Variants in KIAA1958 observed in about 807,000 individuals in gnomAD.
KIAA1958 encodes the protein KIAA1958, also known as uncharacterized protein KIAA1958.
A neutral mutation model predicts 47.2 loss-of-function variants in KIAA1958; 14 were observed. The ratio of observed to expected loss-of-function variants is 0.30; its 90% CI spans 0.20 to 0.46. The LOEUF (loss-of-function observed/expected upper bound fraction) is 0.46. KIAA1958 is among the 20% of genes least tolerant of loss of function. The pLI is 1.00. For missense variants in KIAA1958, 803 were observed against 909.2 expected (o/e 0.88, Z 1.50); for synonymous variants, 354 against 353.3 (o/e 1.00, Z -0.02).
At chr9:112,658,975 A>G (rs537884230) in intron 3 of KIAA1958, among the ~76,000 whole-genome samples, 64 of 142,854 alleles carry the variant, frequency 4.5e-4, no homozygotes, top group South Asian at 2.0e-3. Context: ...AGCCGAGATC[A>G]CGCCACTGCA....
At chr9:112,527,452 T>C (rs540332598) in intron 1 of KIAA1958, among the ~76,000 whole-genome samples, 8 of 152,250 alleles carry the variant, frequency 5.3e-5, no homozygotes, top group African/African-American at 1.9e-4. Context: ...CAGGATGAAG[T>C]TGAAGAAGAA....
chr9:112,604,818 T>G (rs1050498020), intron 2 of KIAA1958, among the ~76,000 whole-genome samples: 1 of 151,276 alleles, frequency 6.6e-6, no homozygotes, highest in African/African-American at 2.4e-5. Context: ...TCAGAACATA[T>G]GCTGAGTACT....
At chr9:112,515,540 AG>A (rs1834413055) in intron 1 of KIAA1958, among the ~76,000 whole-genome samples, 1 of 107,530 alleles carries the variant, frequency 9.3e-6, no homozygotes, top group Admixed American at 9.5e-5. Flanking sequence ...TTCTGCACTA[AG>A]AAAAATTCCT....
chr9:112,500,917 C>T (rs1314005454), intron 1 of KIAA1958, among the ~76,000 whole-genome samples: 1 of 150,948 alleles, frequency 6.6e-6, no homozygotes, highest in Non-Finnish European at 1.5e-5. Context: ...CAAGATCAGC[C>T]TGGGCCACAT....
chr9:112,515,916 C>T (rs1328608838), intron 1 of KIAA1958, among the ~76,000 whole-genome samples: 26 of 42,680 alleles, frequency 6.1e-4, no homozygotes, highest in African/African-American at 2.1e-3. Flanking sequence ...AAAAAAAAGA[C>T]TGAATGCTTT....
rs372775191 is a variant in KIAA1958, at chr9:112,546,482, G to C, written c.-24-27575G>C. ...GCAGCTGCCACTCTTTTATTCCTTT[G>C]CCTTTTTTTTTTGAGACAGAGTCTC... On this transcript the variant is annotated intron_variant, in intron 1 of 3. Transcript: ENST00000337530. 2.0e-5 allele frequency among the ~76,000 whole-genome samples: 3 copies of C among 151,566 alleles called. No homozygotes were observed. In the South Asian group the frequency reaches 6.2e-4, roughly 32 times the overall value.
intron 2 of KIAA1958, among the ~76,000 whole-genome samples, chr9:112,579,626 G>A (rs949802603): frequency 2.6e-5 from 4 of 151,608 alleles, no homozygotes; most frequent in African/African-American, 9.7e-5. Flanking sequence ...TTTACTGTTT[G>A]AGTATTTATT....
intron 2 of KIAA1958, among the ~76,000 whole-genome samples, chr9:112,602,492 G>A (rs949879262): frequency 7.2e-5 from 11 of 152,158 alleles, no homozygotes; most frequent in African/African-American, 2.4e-4. Flanking sequence ...AGACAACATC[G>A]TAACATCAGC....
intron 2 of KIAA1958, among the ~76,000 whole-genome samples, chr9:112,634,693 A>G (rs953183361): frequency 6.6e-6 from 1 of 152,200 alleles, no homozygotes; most frequent in Admixed American, 6.5e-5. Context: ...GTACCACAAC[A>G]TCTTCTGCCA....
intron 2 of KIAA1958, among the ~76,000 whole-genome samples, chr9:112,577,296 TTTTC>T (rs536844732): frequency 7.2e-5 from 11 of 152,122 alleles, no homozygotes; most frequent in South Asian, 2.1e-4. Flanking sequence ...TGGATTGTCT[TTTTC>T]TTTCTTTCTT....
chr9:112,540,969 C>A (rs1003067620), intron 1 of KIAA1958, among the ~76,000 whole-genome samples: 21 of 152,002 alleles, frequency 1.4e-4, no homozygotes, highest in African/African-American at 4.8e-4. Flanking sequence ...GTTGGCCCAC[C>A]CCCACCTCCT....
At chr9:112,544,337 C>T (rs1416949999) in intron 1 of KIAA1958, among the ~76,000 whole-genome samples, 4 of 152,306 alleles carry the variant, frequency 2.6e-5, no homozygotes, top group South Asian at 2.1e-4. Flanking sequence ...TAATTGCTTT[C>T]GCACTATAAC....
intron 2 of KIAA1958, among the ~76,000 whole-genome samples, chr9:112,608,912 CAA>C (rs1371049457): frequency 3.9e-5 from 6 of 152,132 alleles, no homozygotes; most frequent in Non-Finnish European, 2.9e-5. Flanking sequence ...TGATATGATG[CAA>C]AGTTATAACA....
intron 3 of KIAA1958, among the ~76,000 whole-genome samples, chr9:112,650,969 A>G (rs987864492): frequency 1.4e-4 from 22 of 152,238 alleles, no homozygotes; most frequent in African/African-American, 4.8e-4. Flanking sequence ...AAAAACATCA[A>G]TTCATAAAGA....
chr9:112,551,394 G>A (rs1835147561), intron 1 of KIAA1958, among the ~76,000 whole-genome samples: 1 of 152,148 alleles, frequency 6.6e-6, no homozygotes, highest in South Asian at 2.1e-4. Context: ...CTAGCTTCTT[G>A]CACTTAGTAT....
intron 2 of KIAA1958, among the ~76,000 whole-genome samples, chr9:112,635,214 T>TGTGTGTGTG (rs1836782795): frequency 3.1e-5 from 4 of 130,354 alleles, no homozygotes; most frequent in African/African-American, 1.2e-4. Context: ...ATTCTTTATT[T>TGTGTGTGTG]TGTGTGTGTG....
chr9:112,645,909 A>G, intron 3 of KIAA1958, 87 bp downstream of exon 3: 8 of 1,120,628 alleles, frequency 7.1e-6, no homozygotes, highest in Non-Finnish European at 9.8e-6. Context: ...TAGGGAACAC[A>G]GAACGGTGGC....
At chr9:112,495,687 A>G (rs2132759285) in intron 1 of KIAA1958, among the ~76,000 whole-genome samples, 1 of 152,358 alleles carries the variant, frequency 6.6e-6, no homozygotes, top group African/African-American at 2.4e-5. Context: ...TGTAAGATCC[A>G]TACTCACCCA....
rs925124181 is a variant in KIAA1958 at position 112,487,074 on chromosome 9, C to A, written c.-69C>A. On this transcript the variant is annotated 5_prime_UTR_variant, in exon 1 of 4. Coordinates refer to ENST00000337530, the MANE Select transcript of KIAA1958 (RefSeq NM_133465.4). ...GGCTGCCCGGCTCTCGCAGGCCCCC[C>A]CGCGCCGACCGCGTTCCTATGGACA... 1 of 226,180 alleles carries A rather than the reference C, an allele frequency of 4.4e-6. No individual in the cohort carries two copies. Among genetic ancestry groups the A allele is most frequent in the Non-Finnish European group, 9.0e-6 (1 of 110,918 alleles). 14.0% of individuals were successfully genotyped at this position (226,180 alleles called of 1,614,324 possible).
Sources: gnomAD v4.1 joint callset for allele counts (sites outside exome capture counted in the v4.1 genomes callset) on GRCh38, gnomAD v4.1.1 for gene constraint, MANE v1.5 for transcripts, NCBI Gene and HGNC (gene_info 2026-07-23, HGNC 2026-07-21) for gene names.